SLC9A9: variants seen among roughly 807,000 people sequenced by gnomAD.
SLC9A9 encodes the protein solute carrier family 9 member A9.
Under a neutral mutation model 77.8 loss-of-function variants are expected in SLC9A9, and 62 were observed. The observed-to-expected ratio is 0.80, with a 90% CI of 0.65 to 0.98. SLC9A9 has a LOEUF of 0.98. Among genes scored for constraint, SLC9A9 ranks in the 50% least tolerant of loss-of-function variants. The pLI is 0.00. For synonymous variants in SLC9A9, 320 were observed against 283.5 expected (o/e 1.13, Z -1.29); for missense variants, 775 against 774.9 (o/e 1.00, Z 0.00).
chr3:143,450,446 G>C (rs1252462683), intron 12 of SLC9A9, among the ~76,000 whole-genome samples: 2 of 151,474 alleles, frequency 1.3e-5, no homozygotes, highest in African/African-American at 4.8e-5. Flanking sequence ...ATTGACTTTA[G>C]AAAAACGTAC....
At chr3:143,544,799 A>AG (rs1172845475) in intron 9 of SLC9A9, among the ~76,000 whole-genome samples, 2 of 152,178 alleles carry the variant, frequency 1.3e-5, no homozygotes, top group Non-Finnish European at 2.9e-5. Flanking sequence ...TTATAGTTTA[A>AG]GGTCCTACAT....
chr3:143,386,729 A>C (rs2033435692), intron 12 of SLC9A9, among the ~76,000 whole-genome samples: 2 of 152,138 alleles, frequency 1.3e-5, no homozygotes, highest in Admixed American at 1.3e-4. Flanking sequence ...AGCAACCACC[A>C]CAATTGAGCC....
At chr3:143,749,371 A>G (rs1269541093) in intron 4 of SLC9A9, among the ~76,000 whole-genome samples, 2 of 152,140 alleles carry the variant, frequency 1.3e-5, no homozygotes, top group African/African-American at 4.8e-5. Context: ...CAAAAACACA[A>G]CAATAGTCTA....
rs141959509 is a variant in SLC9A9, at chr3:143,433,598, G to T, written c.1469+33439C>A. Among the ~76,000 whole-genome samples the T allele has an allele frequency of 5.5e-3, 841 of 152,278 alleles. 15 individuals are homozygous for T. Among genetic ancestry groups the T allele is most frequent in the East Asian group, 0.046 (237 of 5,172 alleles). ...ATCGAGATCTGGTGATATTATAAAA[G>T]GTGGGGGTGTTCTGTTAACCCTTTA... On this transcript the variant is annotated intron_variant, in intron 12 of 15. Transcript: ENST00000316549.
At chr3:143,744,021 T>C (rs1475422873) in intron 4 of SLC9A9, among the ~76,000 whole-genome samples, 2 of 152,168 alleles carry the variant, frequency 1.3e-5, no homozygotes, top group Admixed American at 1.3e-4. Flanking sequence ...ATTCTATGGA[T>C]GCAGGTGACG....
chr3:143,590,858 A>C (rs1440169515), intron 6 of SLC9A9, among the ~76,000 whole-genome samples: 1 of 152,210 alleles, frequency 6.6e-6, no homozygotes, highest in East Asian at 1.9e-4. Flanking sequence ...AGCTCACCAC[A>C]TGCTACATAG....
At position 143,266,308 on chromosome 3, in the gene SLC9A9, T is replaced by C. The variant is rs1937711880; in HGVS notation, c.*394A>G. On this transcript the variant is annotated 3_prime_UTR_variant, in exon 16 of 16. Transcript: ENST00000316549. ...AATGTTTACTCTCAGAAGCTTTCTT[T>C]TATTTTTAAACTCTCCTTAATGGAG... 3.4e-6 allele frequency: 2 copies of C among 580,290 alleles called. No homozygotes were observed. Among genetic ancestry groups the C allele is most frequent in the South Asian group, 4.2e-5 (2 of 47,208 alleles). 35.9% of individuals were successfully genotyped at this position (580,290 alleles called of 1,614,324 possible).
chr3:143,449,126 G>A (rs1231508223), intron 12 of SLC9A9, among the ~76,000 whole-genome samples: 2 of 2 alleles, frequency 1, 1 homozygote, highest in Non-Finnish European at 1. Flanking sequence ...TATATAATAT[G>A]ATATATATTA....
chr3:143,514,017 CT>C (rs113423271), intron 9 of SLC9A9, among the ~76,000 whole-genome samples: 3,061 of 152,092 alleles, frequency 0.02, 100 homozygotes, highest in African/African-American at 0.068. Flanking sequence ...CAGGACAGGC[CT>C]CGGTGTGTGA....
chr3:143,823,766 A>T (rs1461289423), intron 2 of SLC9A9, among the ~76,000 whole-genome samples: 1 of 151,824 alleles, frequency 6.6e-6, no homozygotes, highest in South Asian at 2.1e-4. Context: ...TTACAATAAA[A>T]ATAAAATTTT....
chr3:143,349,327 C>T (rs2108471987), intron 14 of SLC9A9, among the ~76,000 whole-genome samples: 1 of 152,256 alleles, frequency 6.6e-6, no homozygotes, highest in South Asian at 2.1e-4. Flanking sequence ...GCCAGGTCAG[C>T]CCTGGAAGCT....
intron 14 of SLC9A9, among the ~76,000 whole-genome samples, chr3:143,288,495 T>C (rs1405992865): frequency 2.0e-5 from 3 of 152,214 alleles, no homozygotes; most frequent in African/African-American, 7.2e-5. Context: ...GCTGGTCCTC[T>C]GAATTACAAA....
chr3:143,455,028 AT>A (rs766236758), intron 12 of SLC9A9, among the ~76,000 whole-genome samples: 9 of 152,326 alleles, frequency 5.9e-5, no homozygotes, highest in Non-Finnish European at 1.2e-4. Context: ...ACTGTGTCAT[AT>A]TAAGATAATC....
At chr3:143,534,840 C>G (rs938513276) in intron 9 of SLC9A9, among the ~76,000 whole-genome samples, 2 of 152,172 alleles carry the variant, frequency 1.3e-5, no homozygotes, top group Non-Finnish European at 2.9e-5. Context: ...TAAATTGCAA[C>G]ACTTACTGAA....
At chr3:143,649,036 C>G (rs529559897) in intron 6 of SLC9A9, among the ~76,000 whole-genome samples, 1 of 152,270 alleles carries the variant, frequency 6.6e-6, no homozygotes, top group South Asian at 2.1e-4. Flanking sequence ...TTTTGTTGAC[C>G]TCAGTTTAGG....
intron 14 of SLC9A9, among the ~76,000 whole-genome samples, chr3:143,290,849 TCATGTACTATGGAACCTAC>T (rs2029923934): frequency 2.0e-5 from 3 of 152,314 alleles, no homozygotes; most frequent in South Asian, 4.1e-4. Context: ...CTCCCAGACT[TCATGTACTATGGAACCTAC>T]TTTGAGAATC....
chr3:143,617,169 C>T (rs769134654), intron 6 of SLC9A9, among the ~76,000 whole-genome samples: 18 of 152,130 alleles, frequency 1.2e-4, no homozygotes, highest in South Asian at 2.1e-4. Flanking sequence ...TCTATCATCA[C>T]GTGGAGTCTC....
chr3:143,766,925 T>C (rs2108836928), intron 4 of SLC9A9, among the ~76,000 whole-genome samples: 1 of 152,288 alleles, frequency 6.6e-6, no homozygotes, highest in East Asian at 1.9e-4. Flanking sequence ...AATTCTATCA[T>C]TTCAGTATAC....
chr3:143,369,817 T>C (rs922649286), intron 13 of SLC9A9, among the ~76,000 whole-genome samples: 1 of 152,196 alleles, frequency 6.6e-6, no homozygotes, highest in Non-Finnish European at 1.5e-5. Context: ...GGCTTTCTTT[T>C]TTGCTGTCTC....
Sources: gnomAD v4.1 joint callset for allele counts (sites outside exome capture counted in the v4.1 genomes callset) on GRCh38, gnomAD v4.1.1 for gene constraint, MANE v1.5 for transcripts, NCBI Gene and HGNC (gene_info 2026-07-23, HGNC 2026-07-21) for gene names.